SPATA17: variants seen among roughly 807,000 people sequenced by gnomAD.
The protein encoded by SPATA17 is spermatogenesis-associated protein 17.
In SPATA17, 53 loss-of-function variants were observed where a neutral mutation model predicts 62.2. The ratio of observed to expected loss-of-function variants is 0.85; its 90% CI spans 0.68 to 1.07. The LOEUF (loss-of-function observed/expected upper bound fraction) is 1.07, where lower values mean the gene tolerates loss of function less well. Ranked by LOEUF, SPATA17 falls within the 50% of genes least tolerant of loss-of-function variation. The pLI is 0.00. For synonymous variants in SPATA17, 146 were observed against 146.8 expected, an observed-to-expected ratio of 0.99 and a Z score of 0.04; for missense variants, 466 against 425.5, an observed-to-expected ratio of 1.10 and a Z score of -0.84.
chr1:217,857,559 C>G (rs1675811500), intron 9 of SPATA17, among the ~76,000 whole-genome samples: 1 of 152,134 alleles, frequency 6.6e-6, no homozygotes, highest in Admixed American at 6.6e-5. Flanking sequence ...TTCCCCAACC[C>G]CCATTTAAAA....
intron 4 of SPATA17, among the ~76,000 whole-genome samples, chr1:217,680,922 T>TAAAA (rs71166016): frequency 2.2e-4 from 13 of 58,176 alleles, no homozygotes; most frequent in Non-Finnish European, 3.4e-4. Context: ...GAGACTCTGT[T>TAAAA]AAAAAAAAAA....
intron 9 of SPATA17, among the ~76,000 whole-genome samples, chr1:217,826,833 A>G (rs977097117): frequency 6.6e-6 from 1 of 152,110 alleles, no homozygotes; most frequent in Non-Finnish European, 1.5e-5. Flanking sequence ...ATTTTAAGCA[A>G]GTTATTTAAA....
intron 9 of SPATA17, among the ~76,000 whole-genome samples, chr1:217,830,233 T>C (rs1235626444): frequency 1.3e-5 from 2 of 152,148 alleles, no homozygotes; most frequent in African/African-American, 4.8e-5. Context: ...TCTTTGAAAA[T>C]TATTTTTGGT....
chr1:217,830,794 G>A (rs1385668099), intron 9 of SPATA17, among the ~76,000 whole-genome samples: 2 of 152,018 alleles, frequency 1.3e-5, no homozygotes, highest in Non-Finnish European at 2.9e-5. Flanking sequence ...TACTTTTTAG[G>A]TGACTGTTGT....
At chr1:217,727,039 G>T (rs113481976) in intron 5 of SPATA17, among the ~76,000 whole-genome samples, 1 of 151,908 alleles carries the variant, frequency 6.6e-6, no homozygotes, top group Non-Finnish European at 1.5e-5. Flanking sequence ...CCTGAGGTCA[G>T]GAGTTAGAGA....
chr1:217,797,633 T>C (rs1402475126), intron 8 of SPATA17, among the ~76,000 whole-genome samples: 1 of 152,182 alleles, frequency 6.6e-6, no homozygotes, highest in Non-Finnish European at 1.5e-5. Context: ...TTTTATAACA[T>C]AAACATTTGC....
At chr1:217,721,319 G>A (rs915021811) in intron 5 of SPATA17, among the ~76,000 whole-genome samples, 4 of 152,086 alleles carry the variant, frequency 2.6e-5, no homozygotes, top group African/African-American at 9.7e-5. Context: ...TATGTTACTG[G>A]TGGCTCTAAG....
chr1:217,863,829 A>G (rs1401885485), intron 10 of SPATA17, among the ~76,000 whole-genome samples: 1 of 152,164 alleles, frequency 6.6e-6, no homozygotes, highest in Non-Finnish European at 1.5e-5. Flanking sequence ...AGCAAAGATC[A>G]CTGCAGTTGG....
intron 5 of SPATA17, among the ~76,000 whole-genome samples, chr1:217,706,988 T>G (rs1671752178): frequency 6.6e-6 from 1 of 151,976 alleles, no homozygotes; most frequent in Non-Finnish European, 1.5e-5. Context: ...TGCCTCAGAC[T>G]CCCAAATAGC....
intron 6 of SPATA17, among the ~76,000 whole-genome samples, chr1:217,753,552 T>G (rs1672966189): frequency 6.6e-6 from 1 of 152,100 alleles, no homozygotes; most frequent in African/African-American, 2.4e-5. Flanking sequence ...TTTAATTAAC[T>G]TATTAGGTAT....
chr1:217,739,477 T>G (rs1432737728), intron 5 of SPATA17: 1 of 152,152 alleles, frequency 6.6e-6, no homozygotes, highest in African/African-American at 2.4e-5. Flanking sequence ...TCACAGGATT[T>G]TTTTTTGAGG....
At chr1:217,731,933 A>C (rs753365190) in intron 5 of SPATA17, among the ~76,000 whole-genome samples, 1 of 152,186 alleles carries the variant, frequency 6.6e-6, no homozygotes, top group Non-Finnish European at 1.5e-5. Context: ...AAAAAAAGCA[A>C]ATTGATAAAG....
In SPATA17 at chr1:217,812,935, G is replaced by A. The variant is rs531979958; in HGVS notation, c.1005+11085G>A. Among the ~76,000 whole-genome samples, 15 of 152,296 alleles carry A rather than the reference G, an allele frequency of 9.8e-5. No homozygotes were observed. In the South Asian group the frequency reaches 3.1e-3, roughly 32 times the overall value. On this transcript the variant is annotated intron_variant, in intron 9 of 10. Transcript: ENST00000366933. ...AAGAGACTCTTTCAAGATGGTTCAT[G>A]TTGATAGAGCTTTTCCTCATACGTC...
At chr1:217,783,138 G>A (rs1673772129) in intron 8 of SPATA17, among the ~76,000 whole-genome samples, 1 of 150,132 alleles carries the variant, frequency 6.7e-6, no homozygotes, top group South Asian at 2.1e-4. Flanking sequence ...ATCATTTATT[G>A]CATTTACATA....
intron 8 of SPATA17, among the ~76,000 whole-genome samples, chr1:217,795,660 G>A (rs1239147819): frequency 2.0e-5 from 3 of 150,836 alleles, no homozygotes; most frequent in East Asian, 2.0e-4. Flanking sequence ...ATGAGCCACC[G>A]CCCCCAGTGA....
intron 6 of SPATA17, among the ~76,000 whole-genome samples, chr1:217,760,664 G>A (rs1374683221): frequency 6.6e-6 from 1 of 152,096 alleles, no homozygotes; most frequent in Non-Finnish European, 1.5e-5. Flanking sequence ...TATAACACTA[G>A]AAATAAAGTT....
At chr1:217,712,128 C>CTTTTTTTTTTTTTTTTTT (rs551988828) in intron 5 of SPATA17, among the ~76,000 whole-genome samples, 17 of 134,136 alleles carry the variant, frequency 1.3e-4, no homozygotes, top group African/African-American at 3.4e-4. Flanking sequence ...ACAATATGTT[C>CTTTTTTTTTTTTTTTTTT]TTTTGTTTTT....
intron 8 of SPATA17, among the ~76,000 whole-genome samples, chr1:217,793,942 C>T (rs369871597): frequency 6.6e-6 from 1 of 151,776 alleles, no homozygotes; most frequent in African/African-American, 2.4e-5. Flanking sequence ...GGTGAAACCC[C>T]GTCTTTACTA....
intron 9 of SPATA17, among the ~76,000 whole-genome samples, chr1:217,840,205 T>A (rs1174763147): frequency 2.0e-5 from 3 of 152,154 alleles, no homozygotes; most frequent in Admixed American, 2.0e-4. Context: ...TTGAAAATAA[T>A]AAGCAAAAGA....
Sources: gnomAD v4.1 joint callset for allele counts (sites outside exome capture counted in the v4.1 genomes callset) on GRCh38, gnomAD v4.1.1 for gene constraint, MANE v1.5 for transcripts, NCBI Gene and HGNC (gene_info 2026-07-23, HGNC 2026-07-21) for gene names.